Variants in UBA3 observed in about 807,000 individuals in gnomAD.
UBA3 encodes ubiquitin like modifier activating enzyme 3.
In UBA3, 26 loss-of-function variants were observed where a neutral mutation model predicts 73.5. That is an observed-to-expected ratio of 0.35 (90% CI 0.26 to 0.49). UBA3 has a LOEUF of 0.49. Ranked by LOEUF, UBA3 falls within the 20% of genes least tolerant of loss-of-function variation. The pLI, the probability that UBA3 is intolerant of heterozygous loss-of-function variation, is 0.98. For synonymous variants in UBA3, 217 were observed against 191.2 expected (o/e 1.13, Z -1.11); for missense variants, 495 against 555.6 (o/e 0.89, Z 1.10).
At chr3:69,075,149 T>G (rs976837526) in intron 4 of UBA3, 2 of 163,982 alleles carry the variant, frequency 1.2e-5, no homozygotes, top group Non-Finnish European at 2.6e-5. Flanking sequence ...TAGGAGCGTT[T>G]TGCCAGAGGA....
chr3:69,056,602 T>C lies in UBA3; in HGVS notation c.1083+10A>G. The stretch of plus-strand genomic sequence containing the variant: ...TGCATGATCAAAAATGTGTTCTTAA[T>C]ACTACTAACCTTTCTTTCTGCTTCA... On this transcript the variant is annotated intron_variant, in intron 14 of 17. Coordinates refer to ENST00000361055, the MANE Select transcript of UBA3 (RefSeq NM_003968.4). The C allele has an allele frequency of 6.3e-7, 1 of 1,594,214 alleles. No homozygotes were observed. The highest frequency in any genetic ancestry group is 8.6e-7 in the Non-Finnish European group (1 of 1,168,000).
chr3:69,077,739 C>A, intron 3 of UBA3, 59 bp downstream of exon 3: 2 of 1,476,316 alleles, frequency 1.4e-6, no homozygotes, highest in South Asian at 2.8e-5. Flanking sequence ...AAGAAGCATT[C>A]TATTAGTTTT....
At position 69,055,352 on chromosome 3, in the gene UBA3, A is replaced by G; in HGVS notation, c.*85T>C. The G allele has an allele frequency of 2.3e-6, 2 of 869,140 alleles. No homozygotes were observed. Among genetic ancestry groups the G allele is most frequent in the Middle Eastern group, 2.8e-4 (1 of 3,532 alleles). The allele number at this position is 869,140 out of a possible 1,614,324, so 53.8% of individuals were successfully genotyped here. A position where few individuals can be genotyped will look rare whatever the true frequency, so the allele number is the denominator to read the frequency against. ...AAAAAAGACAAATCGTGGCAACACT[A>G]TTGCTAAAAATGACATCGATTCAAC... On this transcript the variant is annotated 3_prime_UTR_variant, in exon 18 of 18. Transcript: ENST00000361055.
Position 69,080,318 on chromosome 3 carries a change from G to C in UBA3, c.20+16C>G, listed in dbSNP as rs1339444057. 1.9e-6 allele frequency: 3 copies of C among 1,604,210 alleles called. No homozygotes were observed. Among genetic ancestry groups the C allele is most frequent in the Non-Finnish European group, 1.7e-6 (2 of 1,177,354 alleles). ...CCCAGCCCAGCCCGGCGCGTCTGCA[G>C]AGCCCCGGTACTTACGGCTCCTCGC... On this transcript the variant is annotated intron_variant, in intron 1 of 17. Transcript: ENST00000361055.
At chr3:69,074,428 T>C (rs1198641370) in intron 4 of UBA3, among the ~76,000 whole-genome samples, 1 of 152,218 alleles carries the variant, frequency 6.6e-6, no homozygotes, top group African/African-American at 2.4e-5. Flanking sequence ...CACGATGACA[T>C]ATAATCCCCA....
In UBA3 at chr3:69,074,562, T is replaced by G. The variant is rs769987676; in HGVS notation, c.264+868A>C. ...TGTTTATATTTAAACTTTAACCCCCTTGGCCAATTATTTGGGTCCTCCATC... is the reference window on the plus strand; with the variant it reads ...TGTTTATATTTAAACTTTAACCCCCGTGGCCAATTATTTGGGTCCTCCATC... On this transcript the variant is annotated intron_variant, in intron 4 of 17. Coordinates refer to ENST00000361055, the MANE Select transcript of UBA3 (RefSeq NM_003968.4). Among the ~76,000 whole-genome samples the G allele has an allele frequency of 5.9e-4, 90 of 152,216 alleles. 1 individual carries two copies. Among genetic ancestry groups the G allele is most frequent in the Non-Finnish European group, 2.2e-4 (15 of 68,028 alleles).
chr3:69,063,349 AT>A, intron 8 of UBA3, 89 bp downstream of exon 8: 1 of 1,403,704 alleles, frequency 7.1e-7, no homozygotes, highest in South Asian at 1.3e-5. Context: ...TTAAACTCTG[AT>A]TTTTCAAAAA....
chr3:69,072,706 G>T, intron 4 of UBA3, among the ~76,000 whole-genome samples: 1 of 152,156 alleles, frequency 6.6e-6, no homozygotes, highest in East Asian at 1.9e-4. Context: ...GTAAGATATA[G>T]ACCATCTAGC....
At chr3:69,076,872 C>T (rs779635817) in intron 3 of UBA3, among the ~76,000 whole-genome samples, 41 of 151,832 alleles carry the variant, frequency 2.7e-4, no homozygotes, top group African/African-American at 9.7e-4. Context: ...GGATTACAGG[C>T]GTGAGCCACC....
At chr3:69,057,165 G>A in intron 12 of UBA3, 91 bp downstream of exon 12, 1 of 1,289,540 alleles carries the variant, frequency 7.8e-7, no homozygotes, top group Non-Finnish European at 1.1e-6. Context: ...CATCCAAGAA[G>A]ATATCAAATT....
At position 69,055,297 on chromosome 3, in the gene UBA3, C is replaced by T. The variant is rs1575826420; in HGVS notation, c.*140G>A. ...AAATTCTGTCTTCAAGGGAAGGTTA[C>T]AAAGTTAAAAAAGAGTGGTTCATTA... On this transcript the variant is annotated 3_prime_UTR_variant, in exon 18 of 18. Coordinates refer to ENST00000361055, the MANE Select transcript of UBA3 (RefSeq NM_003968.4). 2.0e-6 allele frequency: 1 copy of T among 507,548 alleles called. No homozygotes were observed. The highest frequency in any genetic ancestry group is 3.3e-6 in the Non-Finnish European group (1 of 299,160). 31.4% of individuals were successfully genotyped at this position (507,548 alleles called of 1,614,324 possible). A position where few individuals can be genotyped will look rare whatever the true frequency, so the allele number is the denominator to read the frequency against.
intron 2 of UBA3, among the ~76,000 whole-genome samples, chr3:69,078,931 AT>A (rs1180320962): frequency 2.0e-5 from 3 of 152,160 alleles, no homozygotes; most frequent in Admixed American, 2.0e-4. Context: ...AAATTCATCT[AT>A]TTTATACTTA....
rs555671109 is a variant in UBA3 at position 69,076,721 on chromosome 3, T to A, written c.183+1077A>T. The stretch of plus-strand genomic sequence containing the variant: ...GAGTAGCTGAAACCAAAGACATGTA[T>A]CATCATGCACAGCTAATTTTTTTTT... On this transcript the variant is annotated intron_variant, in intron 3 of 17. Coordinates refer to ENST00000361055, the MANE Select transcript of UBA3 (RefSeq NM_003968.4). 6.6e-5 allele frequency among the ~76,000 whole-genome samples: 10 copies of A among 151,702 alleles called. No individual in the cohort carries two copies. The South Asian group carries it at 2.1e-3, about 32-fold the overall frequency.
intron 13 of UBA3, 42 bp downstream of exon 13, chr3:69,056,737 A>T (rs371881891): frequency 1.8e-5 from 29 of 1,609,610 alleles, no homozygotes; most frequent in Non-Finnish European, 2.5e-5. Flanking sequence ...AAACCAAGTC[A>T]AAACATAAAT....
intron 4 of UBA3, among the ~76,000 whole-genome samples, chr3:69,073,137 C>T (rs1338469054): frequency 6.6e-6 from 1 of 152,204 alleles, no homozygotes; most frequent in East Asian, 1.9e-4. Flanking sequence ...AATCAAGTCT[C>T]TCATTGCATA....
At chr3:69,078,830 A>G (rs1029073260) in intron 2 of UBA3, among the ~76,000 whole-genome samples, 1 of 152,156 alleles carries the variant, frequency 6.6e-6, no homozygotes, top group South Asian at 2.1e-4. Context: ...TCTTGCCACT[A>G]AACACAAAGT....
chr3:69,069,333 T>A (rs1475586160), intron 5 of UBA3, among the ~76,000 whole-genome samples: 1 of 152,208 alleles, frequency 6.6e-6, no homozygotes, highest in Non-Finnish European at 1.5e-5. Context: ...CTTTTCTTTT[T>A]TTTTGTTTGT....
chr3:69,056,153 T>C, intron 15 of UBA3, 30 bp downstream of exon 15: 1 of 1,564,554 alleles, frequency 6.4e-7, no homozygotes, highest in Non-Finnish European at 8.6e-7. Flanking sequence ...AAATGATTTT[T>C]ACAACATAAC....
chr3:69,066,495 G>A (rs2092072892), intron 6 of UBA3, among the ~76,000 whole-genome samples: 1 of 151,982 alleles, frequency 6.6e-6, no homozygotes, highest in Non-Finnish European at 1.5e-5. Context: ...CCAGGCTGGG[G>A]TGCAGTAGCG....
Sources: gnomAD v4.1 joint callset for allele counts (sites outside exome capture counted in the v4.1 genomes callset) on GRCh38, gnomAD v4.1.1 for gene constraint, MANE v1.5 for transcripts, NCBI Gene and HGNC (gene_info 2026-07-23, HGNC 2026-07-21) for gene names.